DENND1B: variants seen among roughly 807,000 people sequenced by gnomAD.
DENND1B encodes DENN domain containing 1B.
Under a neutral mutation model 90.1 loss-of-function variants are expected in DENND1B, and 59 were observed. The ratio of observed to expected loss-of-function variants is 0.65; its 90% CI spans 0.53 to 0.81. The LOEUF is 0.81. Among genes scored for constraint, DENND1B ranks in the 40% least tolerant of loss-of-function variants. DENND1B has a pLI of 0.00. For missense variants in DENND1B, 862 were observed against 912.6 expected (o/e 0.94, Z 0.71); for synonymous variants, 337 against 324.6 (o/e 1.04, Z -0.41).
At chr1:197,704,107 T>A (rs565316748) in intron 3 of DENND1B, among the ~76,000 whole-genome samples, 2 of 151,900 alleles carry the variant, frequency 1.3e-5, no homozygotes, top group Admixed American at 1.3e-4. Context: ...TAGCCAGAAG[T>A]GGTGGTACAT....
At chr1:197,674,468 G>A (rs746556022) in intron 3 of DENND1B, among the ~76,000 whole-genome samples, 10 of 152,108 alleles carry the variant, frequency 6.6e-5, no homozygotes, top group Admixed American at 1.3e-4. Context: ...GATTTTACAA[G>A]AAGCACCGCA....
chr1:197,536,160 T>TAGATG (rs142540016), intron 20 of DENND1B, among the ~76,000 whole-genome samples: 93,856 of 126,936 alleles, frequency 0.74, 36,131 homozygotes, highest in East Asian at 0.83. Flanking sequence ...GAGAGAGAGA[T>TAGATG]AGATGAGATG....
intron 15 of DENND1B, among the ~76,000 whole-genome samples, chr1:197,567,299 C>G (rs1672759862): frequency 6.6e-6 from 1 of 151,878 alleles, no homozygotes; most frequent in South Asian, 2.1e-4. Context: ...TACAACCTAT[C>G]AAAACTGAAT....
intron 11 of DENND1B, among the ~76,000 whole-genome samples, chr1:197,612,984 A>G (rs1441950319): frequency 4.6e-5 from 7 of 150,876 alleles, no homozygotes; most frequent in Non-Finnish European, 6.0e-5. Flanking sequence ...AATAGCAGAT[A>G]TATGAATAAA....
chr1:197,745,616 T>TTTTA lies in DENND1B; in HGVS notation c.82+27251_82+27252insTAAA, dbSNP rs1320132394. Among the ~76,000 whole-genome samples, 279 of 71,800 alleles carry TTTTA rather than the reference T, an allele frequency of 3.9e-3. 1 individual carries two copies. Among genetic ancestry groups the TTTTA allele is most frequent in the African/African-American group, 0.018 (256 of 14,620 alleles). 47.1% of individuals were successfully genotyped at this position (71,800 alleles called of 152,430 possible). The stretch of plus-strand genomic sequence containing the variant: ...CTGATAACAGATCACCATATATATA[T>TTTTA]TATATATATATATATATATATATAA... On this transcript the variant is annotated intron_variant, in intron 2 of 22. Transcript: ENST00000620048.
chr1:197,742,628 C>T (rs1157683843), intron 2 of DENND1B, among the ~76,000 whole-genome samples: 1 of 152,118 alleles, frequency 6.6e-6, no homozygotes, highest in South Asian at 2.1e-4. Flanking sequence ...AGACTGTGGT[C>T]TCTGGGAAAA....
At chr1:197,745,510 A>G (rs1264789661) in intron 2 of DENND1B, among the ~76,000 whole-genome samples, 1 of 151,752 alleles carries the variant, frequency 6.6e-6, no homozygotes, top group African/African-American at 2.4e-5. Context: ...GAACACATAC[A>G]TTTATCAATC....
At chr1:197,744,410 A>C (rs986781540) in intron 2 of DENND1B, among the ~76,000 whole-genome samples, 3 of 152,244 alleles carry the variant, frequency 2.0e-5, no homozygotes, top group Admixed American at 2.0e-4. Context: ...TTGTGTTAGC[A>C]AGCATTAAAA....
intron 2 of DENND1B, chr1:197,762,115 T>C (rs1571659614): frequency 6.6e-6 from 1 of 152,180 alleles, no homozygotes; most frequent in Admixed American, 6.5e-5. Flanking sequence ...CATTCTCGTG[T>C]AAGATACCTT....
At chr1:197,723,463 A>G (rs1187316503) in intron 2 of DENND1B, among the ~76,000 whole-genome samples, 1 of 152,194 alleles carries the variant, frequency 6.6e-6, no homozygotes, top group Non-Finnish European at 1.5e-5. Flanking sequence ...AACAATAAAG[A>G]AGGGAAAGAA....
intron 14 of DENND1B, among the ~76,000 whole-genome samples, chr1:197,594,385 C>A (rs1166669951): frequency 1.3e-5 from 2 of 152,110 alleles, no homozygotes; most frequent in African/African-American, 2.4e-5. Context: ...TATAAGAATT[C>A]TCATTTTACA....
At chr1:197,662,010 C>T (rs1340007923) in intron 5 of DENND1B, among the ~76,000 whole-genome samples, 2 of 151,958 alleles carry the variant, frequency 1.3e-5, no homozygotes, top group African/African-American at 4.8e-5. Flanking sequence ...TTGGTATCTA[C>T]GTAATTATTA....
In DENND1B at chr1:197,572,317, C is replaced by T. The variant is rs12142964; in HGVS notation, c.1149+10835G>A. On this transcript the variant is annotated intron_variant, in intron 15 of 22. Transcript: ENST00000620048. ...GCCCACAGAGCCTTGCTCACTGCTA[C>T]CGCAGCAGTCTGAGATTGACCTGTG... Among the ~76,000 whole-genome samples the T allele has an allele frequency of 7.7e-3, 1,176 of 152,312 alleles. 11 individuals carry two copies. Among genetic ancestry groups the T allele is most frequent in the Non-Finnish European group, 0.013 (909 of 68,030 alleles).
chr1:197,715,500 G>A (rs969899211), intron 2 of DENND1B, among the ~76,000 whole-genome samples: 27 of 151,656 alleles, frequency 1.8e-4, no homozygotes, highest in Non-Finnish European at 2.4e-4. Flanking sequence ...TCAGAGACTA[G>A]ACCAAAATAC....
intron 7 of DENND1B, among the ~76,000 whole-genome samples, chr1:197,650,922 C>T (rs1653084617): frequency 6.6e-6 from 1 of 152,076 alleles, no homozygotes; most frequent in African/African-American, 2.4e-5. Flanking sequence ...GTAGTGTATA[C>T]TGCTAGAGTG....
chr1:197,755,454 G>A (rs1021457452), intron 2 of DENND1B, among the ~76,000 whole-genome samples: 2 of 151,796 alleles, frequency 1.3e-5, no homozygotes, highest in African/African-American at 4.8e-5. Flanking sequence ...AATGGTACAG[G>A]ATGCCAAAAC....
At chr1:197,719,846 T>C (rs78403046) in intron 2 of DENND1B, among the ~76,000 whole-genome samples, 3,774 of 152,326 alleles carry the variant, frequency 0.025, 155 homozygotes, top group African/African-American at 0.085. Context: ...ATGATACAAA[T>C]GTATTTTAAA....
chr1:197,637,784 A>C (rs1375416587), intron 10 of DENND1B, among the ~76,000 whole-genome samples: 1 of 152,200 alleles, frequency 6.6e-6, no homozygotes, highest in Admixed American at 6.5e-5. Context: ...TCTTTCCCTG[A>C]GAGATGATAA....
At chr1:197,521,185 G>T (rs1159412519) in intron 20 of DENND1B, among the ~76,000 whole-genome samples, 2 of 151,866 alleles carry the variant, frequency 1.3e-5, no homozygotes, top group Non-Finnish European at 2.9e-5. Flanking sequence ...GAGATCTCAA[G>T]AAATAAGTTT....
Sources: allele counts gnomAD v4.1 joint callset (sites outside exome capture counted in the v4.1 genomes callset), GRCh38; gene constraint gnomAD v4.1.1; transcripts MANE v1.5; gene names NCBI Gene and HGNC (gene_info 2026-07-23, HGNC 2026-07-21).